The following TRAPPC9 variants were observed in gnomAD, a reference collection of about 807,000 sequenced individuals.
TRAPPC9 encodes IKK2 binding protein.
TRAPPC9 carries 83 observed loss-of-function variants against 124.0 expected under a neutral mutation model. That is an observed-to-expected ratio of 0.67 (90% CI 0.56 to 0.80). TRAPPC9 has a LOEUF of 0.80. TRAPPC9 is among the 30% of genes least tolerant of loss of function. The pLI, the probability that TRAPPC9 is intolerant of heterozygous loss-of-function variation, is 0.00. For missense variants in TRAPPC9, 1,302 were observed against 1,508.3 expected (o/e 0.86, Z 2.27); for synonymous variants, 638 against 617.5 (o/e 1.03, Z -0.49).
intron 17 of TRAPPC9, among the ~76,000 whole-genome samples, chr8:140,218,052 G>A (rs922393913): frequency 1.3e-5 from 2 of 150,808 alleles, no homozygotes; most frequent in African/African-American, 4.9e-5. Flanking sequence ...AAGTCTAGAA[G>A]GAGTTCAAGT....
intron 18 of TRAPPC9, among the ~76,000 whole-genome samples, chr8:140,014,728 G>A (rs1839354657): frequency 6.6e-6 from 1 of 152,112 alleles, no homozygotes; most frequent in Non-Finnish European, 1.5e-5. Context: ...CTTTGGTCTG[G>A]GTGTCCCCAA....
At chr8:139,977,575 G>C (rs113640075) in intron 19 of TRAPPC9, among the ~76,000 whole-genome samples, 224 of 145,494 alleles carry the variant, frequency 1.5e-3, no homozygotes, top group African/African-American at 5.4e-3. Flanking sequence ...CGGAGATCGC[G>C]CCACTGCACT....
At chr8:140,345,431 C>T (rs1482156212) in intron 9 of TRAPPC9, among the ~76,000 whole-genome samples, 1 of 152,110 alleles carries the variant, frequency 6.6e-6, no homozygotes, top group Non-Finnish European at 1.5e-5. Flanking sequence ...AAATGATGCC[C>T]GTCCCATCTC....
chr8:139,847,859 T>A (rs577783970), intron 21 of TRAPPC9, among the ~76,000 whole-genome samples: 1 of 152,210 alleles, frequency 6.6e-6, no homozygotes, highest in Non-Finnish European at 1.5e-5. Context: ...CCCTGACAGC[T>A]GGTGAAGGCA....
chr8:140,036,565 C>A (rs186290846), intron 17 of TRAPPC9, among the ~76,000 whole-genome samples: 4,704 of 152,194 alleles, frequency 0.031, 104 homozygotes, highest in Non-Finnish European at 0.05. Flanking sequence ...GGGTGTGGTA[C>A]AAAGATCCAT....
intron 19 of TRAPPC9, among the ~76,000 whole-genome samples, chr8:139,946,768 C>A (rs1834250304): frequency 6.6e-6 from 1 of 151,118 alleles, no homozygotes; most frequent in Non-Finnish European, 1.5e-5. Context: ...ATCACGAGGT[C>A]AGGAGATCGA....
intron 9 of TRAPPC9, among the ~76,000 whole-genome samples, chr8:140,324,834 A>T (rs2066696209): frequency 6.6e-6 from 1 of 152,240 alleles, no homozygotes; most frequent in South Asian, 2.1e-4. Context: ...GATAAGGAAG[A>T]TTTAAACAAA....
intron 11 of TRAPPC9, among the ~76,000 whole-genome samples, chr8:140,299,714 C>T (rs982341023): frequency 1.3e-5 from 2 of 152,168 alleles, no homozygotes; most frequent in Non-Finnish European, 2.9e-5. Context: ...GCACTACAGC[C>T]GGGCTTTGGG....
At chr8:140,404,141 T>C (rs7815784) in intron 6 of TRAPPC9, among the ~76,000 whole-genome samples, 1,994 of 152,252 alleles carry the variant, frequency 0.013, 40 homozygotes, top group African/African-American at 0.044. Flanking sequence ...TAATTCTACA[T>C]CTTTTCACTC....
intron 17 of TRAPPC9, among the ~76,000 whole-genome samples, chr8:140,090,643 T>C (rs6985153): frequency 0.29 from 43,700 of 152,202 alleles, 8,336 homozygotes; most frequent in African/African-American, 0.54. Context: ...GCACACTTCA[T>C]GGCTAACCCT....
chr8:139,881,737 C>T (rs553934919), intron 21 of TRAPPC9, among the ~76,000 whole-genome samples: 10 of 150,050 alleles, frequency 6.7e-5, no homozygotes, highest in Admixed American at 2.0e-4. Flanking sequence ...GCCATGCAAA[C>T]GAGACCTTAA....
chr8:140,113,898 C>A (rs1421037242), intron 17 of TRAPPC9, among the ~76,000 whole-genome samples: 2 of 152,222 alleles, frequency 1.3e-5, no homozygotes, highest in Admixed American at 6.5e-5. Context: ...ACAATCAAAG[C>A]CTGTGAAGCT....
chr8:140,270,743 C>T (rs538820770), intron 15 of TRAPPC9, among the ~76,000 whole-genome samples: 40 of 152,184 alleles, frequency 2.6e-4, no homozygotes, highest in African/African-American at 7.9e-4. Flanking sequence ...ATGGCGTGCC[C>T]GGGGAGGAAA....
chr8:139,974,902 G>A (rs958449018), intron 19 of TRAPPC9, among the ~76,000 whole-genome samples: 3 of 151,980 alleles, frequency 2.0e-5, no homozygotes, highest in Non-Finnish European at 2.9e-5. Context: ...TAGCTCTGCC[G>A]AGGGCACCTC....
At chr8:140,032,546 T>C (rs1202284615) in intron 17 of TRAPPC9, among the ~76,000 whole-genome samples, 1 of 152,202 alleles carries the variant, frequency 6.6e-6, no homozygotes, top group African/African-American at 2.4e-5. Flanking sequence ...AGACAGAGCA[T>C]CCTTTATAGA....
intron 21 of TRAPPC9, among the ~76,000 whole-genome samples, chr8:139,844,133 T>C (rs554883306): frequency 1.9e-4 from 29 of 152,324 alleles, no homozygotes; most frequent in African/African-American, 6.5e-4. Flanking sequence ...GCCAGAGTCA[T>C]AGAGTGGCTT....
At chr8:139,812,073 A>G (rs1482231625) in intron 21 of TRAPPC9, among the ~76,000 whole-genome samples, 2 of 152,198 alleles carry the variant, frequency 1.3e-5, no homozygotes, top group African/African-American at 2.4e-5. Context: ...CGCTGGAGAG[A>G]TATCTCCTGG....
At chr8:140,143,704 G>A (rs113771542) in intron 17 of TRAPPC9, among the ~76,000 whole-genome samples, 1 of 152,046 alleles carries the variant, frequency 6.6e-6, no homozygotes, top group Admixed American at 6.5e-5. Flanking sequence ...TTATCCTACC[G>A]GGTGCTGATT....
rs745992559 is a variant in TRAPPC9 at position 140,275,641 on chromosome 8, C to T, written c.2278+17G>A. 7 of 1,613,342 alleles carry T rather than the reference C, an allele frequency of 4.3e-6. No homozygotes were observed. The highest frequency in any genetic ancestry group is 5.9e-6 in the Non-Finnish European group (7 of 1,179,268). ...AATACAAACATTCCCAGGGTCAAAG[C>T]TGCTTACAATACCTACCTTTAGTGG... On this transcript the variant is annotated intron_variant, in intron 15 of 22. Transcript: ENST00000438773.
Sources: allele counts gnomAD v4.1 joint callset (sites outside exome capture counted in the v4.1 genomes callset), GRCh38; gene constraint gnomAD v4.1.1; transcripts MANE v1.5; gene names NCBI Gene and HGNC (gene_info 2026-07-23, HGNC 2026-07-21).